Variants in CADM2 observed in about 807,000 individuals in gnomAD.
CADM2 encodes the protein cell adhesion molecule 2.
Under a neutral mutation model 49.8 loss-of-function variants are expected in CADM2, and 12 were observed. The observed-to-expected ratio is 0.24, with a 90% CI of 0.15 to 0.39. The LOEUF (loss-of-function observed/expected upper bound fraction) is 0.39, where lower values mean the gene tolerates loss of function less well. Ranked by LOEUF, CADM2 falls within the 10% of genes least tolerant of loss-of-function variation. The pLI, the probability that CADM2 is intolerant of heterozygous loss-of-function variation, is 1.00. For synonymous variants in CADM2, 214 were observed against 175.4 expected (o/e 1.22, Z -1.74); for missense variants, 378 against 492.3 (o/e 0.77, Z 2.20).
At chr3:85,161,179 A>G (rs555619907) in intron 1 of CADM2, among the ~76,000 whole-genome samples, 1 of 152,316 alleles carries the variant, frequency 6.6e-6, no homozygotes, top group Admixed American at 6.5e-5. Context: ...ATTGGCTTTG[A>G]TGAAATGAAT....
At chr3:85,915,158 C>T (rs1258792915) in intron 6 of CADM2, among the ~76,000 whole-genome samples, 19 of 152,092 alleles carry the variant, frequency 1.2e-4, no homozygotes, top group Admixed American at 1.0e-3. Context: ...TTATACAATT[C>T]TTGAGCATTT....
At chr3:85,224,626 T>C (rs1212298648) in intron 1 of CADM2, among the ~76,000 whole-genome samples, 1 of 152,208 alleles carries the variant, frequency 6.6e-6, no homozygotes, top group African/African-American at 2.4e-5. Flanking sequence ...TTTGTCAATT[T>C]TGGCTTTTGT....
intron 8 of CADM2, among the ~76,000 whole-genome samples, chr3:86,051,158 C>T (rs747506577): frequency 3.3e-5 from 5 of 152,136 alleles, no homozygotes; most frequent in Non-Finnish European, 7.4e-5. Flanking sequence ...CTTGAATGCT[C>T]TGCTATTTAG....
chr3:85,779,142 T>C (rs2070504051), intron 2 of CADM2, among the ~76,000 whole-genome samples: 1 of 151,946 alleles, frequency 6.6e-6, no homozygotes, highest in South Asian at 2.1e-4. Context: ...GGGCCATGAG[T>C]CTCTATGGGG....
At chr3:85,474,566 T>G (rs1244066402) in intron 1 of CADM2, among the ~76,000 whole-genome samples, 1 of 151,886 alleles carries the variant, frequency 6.6e-6, no homozygotes, top group African/African-American at 2.4e-5. Context: ...ATTAAGCATA[T>G]CATTACCTAA....
At chr3:85,133,084 G>C (rs900662101) in intron 1 of CADM2, among the ~76,000 whole-genome samples, 1 of 152,142 alleles carries the variant, frequency 6.6e-6, no homozygotes, top group Non-Finnish European at 1.5e-5. Flanking sequence ...CCTTCCTCCA[G>C]GTGGGCTCCT....
At chr3:85,935,328 G>A (rs1721074996) in intron 6 of CADM2, among the ~76,000 whole-genome samples, 1 of 152,068 alleles carries the variant, frequency 6.6e-6, no homozygotes, top group South Asian at 2.1e-4. Flanking sequence ...TTGAGCTTGA[G>A]TTCATTGTGG....
intron 1 of CADM2, among the ~76,000 whole-genome samples, chr3:85,709,549 A>C (rs1315037027): frequency 2.0e-5 from 3 of 152,166 alleles, no homozygotes; most frequent in Admixed American, 1.3e-4. Flanking sequence ...TGATGTGTCA[A>C]ATTACTGTTC....
chr3:85,085,111 T>C (rs189215058), intron 1 of CADM2, among the ~76,000 whole-genome samples: 10 of 152,250 alleles, frequency 6.6e-5, no homozygotes, highest in Admixed American at 6.5e-4. Flanking sequence ...AATTTCCAGG[T>C]ATGAATTATA....
At chr3:85,224,734 G>T (rs2042117034) in intron 1 of CADM2, among the ~76,000 whole-genome samples, 1 of 152,070 alleles carries the variant, frequency 6.6e-6, no homozygotes, top group African/African-American at 2.4e-5. Flanking sequence ...TATGATTTTA[G>T]GTCTTATGTT....
At chr3:85,923,703 A>G (rs1417441925) in intron 6 of CADM2, among the ~76,000 whole-genome samples, 3 of 152,216 alleles carry the variant, frequency 2.0e-5, no homozygotes, top group Non-Finnish European at 4.4e-5. Context: ...TATCACTTGC[A>G]TAAACCTTCT....
intron 8 of CADM2, among the ~76,000 whole-genome samples, chr3:85,982,290 A>T (rs1341796668): frequency 6.6e-6 from 1 of 150,696 alleles, no homozygotes; most frequent in Non-Finnish European, 1.5e-5. Context: ...AAGTGCTCAG[A>T]TAATTTATTT....
intron 1 of CADM2, among the ~76,000 whole-genome samples, chr3:85,035,138 G>A (rs527821080): frequency 7.2e-5 from 11 of 152,062 alleles, no homozygotes; most frequent in Non-Finnish European, 1.3e-4. Flanking sequence ...ATGGTATCTC[G>A]CTGCAGTTTT....
chr3:85,370,533 T>C (rs2033154500), intron 1 of CADM2, among the ~76,000 whole-genome samples: 2 of 152,316 alleles, frequency 1.3e-5, no homozygotes, highest in Middle Eastern at 6.8e-3. Flanking sequence ...ACTCACATGT[T>C]TGTGTTGATG....
chr3:85,144,272 T>G (rs556714511), intron 1 of CADM2, among the ~76,000 whole-genome samples: 10 of 124,134 alleles, frequency 8.1e-5, no homozygotes, highest in Admixed American at 7.4e-4. Context: ...CACACACACA[T>G]GTGCACACAA....
At chr3:85,397,054 A>G (rs1287874136) in intron 1 of CADM2, among the ~76,000 whole-genome samples, 1 of 152,110 alleles carries the variant, frequency 6.6e-6, no homozygotes, top group Non-Finnish European at 1.5e-5. Context: ...AAACTCCTAC[A>G]ACACAACAAC....
intron 1 of CADM2, among the ~76,000 whole-genome samples, chr3:84,991,835 A>C (rs2032907719): frequency 6.6e-6 from 1 of 152,218 alleles, no homozygotes; most frequent in South Asian, 2.1e-4. Flanking sequence ...ATGAGCTCTC[A>C]AGCCATGAGG....
chr3:85,947,829 T>C (rs1237498941), intron 7 of CADM2, among the ~76,000 whole-genome samples: 1 of 151,586 alleles, frequency 6.6e-6, no homozygotes, highest in East Asian at 1.9e-4. Context: ...TGTTCCAATG[T>C]CTTGTGAAAG....
chr3:85,153,752 A>C (rs913518584), intron 1 of CADM2, among the ~76,000 whole-genome samples: 4 of 152,166 alleles, frequency 2.6e-5, no homozygotes, highest in African/African-American at 9.7e-5. Context: ...GAGAACGGGC[A>C]GACTGCCTCC....
Sources: gnomAD v4.1 joint callset for allele counts (sites outside exome capture counted in the v4.1 genomes callset) on GRCh38, gnomAD v4.1.1 for gene constraint, MANE v1.5 for transcripts, NCBI Gene and HGNC (gene_info 2026-07-23, HGNC 2026-07-21) for gene names.